TAOK3: variants seen among roughly 807,000 people sequenced by gnomAD.
The protein encoded by TAOK3 is serine/threonine-protein kinase TAO3.
In TAOK3, 40 loss-of-function variants were observed where a neutral mutation model predicts 120.4. That is an observed-to-expected ratio of 0.33 (90% confidence interval 0.26 to 0.43). The LOEUF (loss-of-function observed/expected upper bound fraction) is 0.43, where lower values mean the gene tolerates loss of function less well. Ranked by LOEUF, TAOK3 falls within the 20% of genes least tolerant of loss-of-function variation. The probability of loss-of-function intolerance (pLI) is 1.00; values close to 1 mark genes in which losing one functional copy is unlikely to be tolerated. For missense variants in TAOK3, 821 were observed against 1,112.1 expected (o/e 0.74, Z 3.72); for synonymous variants, 355 against 387.5 (o/e 0.92, Z 0.99).
Position 118,189,908 on chromosome 12 carries a change from C to A in TAOK3, c.1228G>T (p.Gly410Cys). The change falls in exon 14 of 21, where the codon GGC becomes TGC. Residue 410 changes from glycine to cysteine, a missense_variant. Gly to Cys is a radical substitution (Grantham distance 159). Around this residue, in one of 2 missense-constraint regions of TAOK3, gnomAD observed 467 missense variants for 540.0 expected, o/e 0.86. Transcript: ENST00000392533. Reference sequence around the variant, plus strand: ...GGCCGCGGCTCAGGCCTGGGATCGCCGTGGCCCGCCTCATCCCTTATGAAT... The same window carrying A: ...GGCCGCGGCTCAGGCCTGGGATCGCAGTGGCCCGCCTCATCCCTTATGAAT... Reference protein sequence around the residue: ...HVFIRDEAGHGDPRPEPRPTQ... With the variant: ...HVFIRDEAGHCDPRPEPRPTQ... The A allele has an allele frequency of 6.2e-7, 1 of 1,614,148 alleles. No individual in the cohort carries two copies. The highest frequency in any genetic ancestry group is 8.5e-7 in the Non-Finnish European group (1 of 1,180,024).
chr12:118,224,232 G>A (rs1053335753), intron 9 of TAOK3, among the ~76,000 whole-genome samples: 3 of 152,130 alleles, frequency 2.0e-5, no homozygotes, highest in South Asian at 4.1e-4. Flanking sequence ...TTTTTACTAG[G>A]CCATGGTATC....
At position 118,207,869 on chromosome 12, in the gene TAOK3, C is replaced by T. The variant is rs924897773; in HGVS notation, c.819+5045G>A. ...CGCGAGACTCTGTCTCACACACACACACACACACACACACACACACATGCA... is the reference window on the plus strand; with the variant it reads ...CGCGAGACTCTGTCTCACACACACATACACACACACACACACACACATGCA... On this transcript the variant is annotated intron_variant, in intron 11 of 20. Transcript: ENST00000392533. 2.6e-5 allele frequency among the ~76,000 whole-genome samples: 4 copies of T among 151,610 alleles called. No homozygotes were observed. In the South Asian group the frequency reaches 8.3e-4, roughly 31 times the overall value.
intron 19 of TAOK3, among the ~76,000 whole-genome samples, chr12:118,158,913 G>A (rs1378326756): frequency 1.3e-5 from 2 of 152,092 alleles, no homozygotes; most frequent in African/African-American, 2.4e-5. Flanking sequence ...CCTCTTTCAC[G>A]TCTCTAAGTC....
intron 17 of TAOK3, among the ~76,000 whole-genome samples, chr12:118,169,459 G>GATGCCTGCCACT: frequency 2.0e-5 from 3 of 149,762 alleles, no homozygotes; most frequent in Middle Eastern, 3.6e-3. Context: ...TGGGATTACA[G>GATGCCTGCCACT]GCGCCCACCA....
intron 9 of TAOK3, among the ~76,000 whole-genome samples, chr12:118,217,811 G>GTATACATA (rs1159834561): frequency 1.3e-5 from 1 of 75,402 alleles, no homozygotes; most frequent in Non-Finnish European, 2.6e-5. Context: ...GTGTGTGTGT[G>GTATACATA]TATACATATA....
At position 118,371,921 on chromosome 12, in the gene TAOK3, G is replaced by A. The variant is rs982429514; in HGVS notation, c.-194+727C>T. Among the ~76,000 whole-genome samples, 1 of 150,302 alleles carries A rather than the reference G, an allele frequency of 6.7e-6. No homozygotes were observed. The highest frequency in any genetic ancestry group is 1.5e-5 in the Non-Finnish European group (1 of 67,402). ...TCACCCCGCTGTCCTGGCCCCTCTC[G>A]GGGTCACCCTGCTCCCACCCGCTGT... On this transcript the variant is annotated intron_variant, in intron 1 of 20. Coordinates refer to ENST00000392533, the MANE Select transcript of TAOK3 (RefSeq NM_016281.4). The surrounding 1 kb of genome is among the most constrained non-coding windows in gnomAD (Gnocchi z 5.5).
chr12:118,300,759 AT>A (rs1350727942), intron 1 of TAOK3, among the ~76,000 whole-genome samples: 2 of 149,342 alleles, frequency 1.3e-5, no homozygotes, highest in African/African-American at 4.9e-5. Flanking sequence ...TTCCTTTTTG[AT>A]TTTTTTTTAA....
chr12:118,252,773 G>A (rs950425466), intron 3 of TAOK3, among the ~76,000 whole-genome samples: 4 of 148,854 alleles, frequency 2.7e-5, no homozygotes, highest in Non-Finnish European at 4.4e-5. Flanking sequence ...AGGCTGGAGT[G>A]CAGTGGCACA....
At chr12:118,355,215 A>T (rs550503714) in intron 1 of TAOK3, among the ~76,000 whole-genome samples, 1 of 152,324 alleles carries the variant, frequency 6.6e-6, no homozygotes, top group South Asian at 2.1e-4. Context: ...ATACATGTAA[A>T]TATCTATGTT....
chr12:118,212,771 C>G (rs2038696723), intron 11 of TAOK3, 143 bp downstream of exon 11: 1 of 553,030 alleles, frequency 1.8e-6, no homozygotes. Flanking sequence ...ATTTCTATGC[C>G]TAGCTACTTA....
Position 118,265,214 on chromosome 12 carries a change from C to T in TAOK3, c.-89+1441G>A, listed in dbSNP as rs1490255477. Among the ~76,000 whole-genome samples, 3 of 151,508 alleles carry T rather than the reference C, an allele frequency of 2.0e-5. No homozygotes were observed. The East Asian group carries it at 5.8e-4, about 29-fold the overall frequency. On this transcript the variant is annotated intron_variant, in intron 2 of 20. Coordinates refer to ENST00000392533, the MANE Select transcript of TAOK3 (RefSeq NM_016281.4). ...GACCAGCCTGGCCAACATGGTGAAA[C>T]CCCGTCTCTACTAAAAATACAAAAA...
chr12:118,230,737 G>A (rs950106096), intron 9 of TAOK3, among the ~76,000 whole-genome samples: 8 of 152,060 alleles, frequency 5.3e-5, no homozygotes, highest in African/African-American at 9.7e-5. Flanking sequence ...CCAAAGTGCC[G>A]AGATTATAGG....
intron 1 of TAOK3, among the ~76,000 whole-genome samples, chr12:118,305,691 G>A (rs902044579): frequency 1.3e-5 from 2 of 151,974 alleles, no homozygotes; most frequent in Non-Finnish European, 2.9e-5. Flanking sequence ...GATCACTTGA[G>A]GTCAGGAATT....
chr12:118,267,884 CA>C (rs60331520), intron 1 of TAOK3, among the ~76,000 whole-genome samples: 888 of 78,812 alleles, frequency 0.011, 5 homozygotes, highest in African/African-American at 0.036. Context: ...GACTCCATCT[CA>C]AAAAAAAAAA....
chr12:118,150,951 G>GTTTT lies in TAOK3; in HGVS notation c.*42_*45dup. The GTTTT allele has an allele frequency of 7.3e-7, 1 of 1,364,766 alleles. No homozygotes were observed. Among genetic ancestry groups the GTTTT allele is most frequent in the Non-Finnish European group, 9.9e-7 (1 of 1,005,724 alleles). The allele number at this position is 1,364,766 out of a possible 1,614,324, so 84.5% of individuals were successfully genotyped here. ...TTTTGCAGGGTCTGAATTTTTTTCT[G>GTTTT]TTTTCTTTTTTTTTTTTTTTTTTGT... On this transcript the variant is annotated 3_prime_UTR_variant, in exon 21 of 21. Coordinates refer to ENST00000392533, the MANE Select transcript of TAOK3 (RefSeq NM_016281.4).
intron 1 of TAOK3, among the ~76,000 whole-genome samples, chr12:118,297,891 G>C (rs1249665716): frequency 6.6e-6 from 1 of 152,124 alleles, no homozygotes; most frequent in Non-Finnish European, 1.5e-5. Context: ...TATGTTATGG[G>C]GGAAAAATAG....
chr12:118,255,716 C>A, intron 2 of TAOK3, 61 bp from the exon 3 acceptor site: 1 of 715,526 alleles, frequency 1.4e-6, no homozygotes, highest in Non-Finnish European at 2.2e-6. Flanking sequence ...GGTGGCAATA[C>A]AAATACATAC....
At chr12:118,182,277 A>G (rs561001200) in intron 14 of TAOK3, among the ~76,000 whole-genome samples, 1 of 152,216 alleles carries the variant, frequency 6.6e-6, no homozygotes, top group South Asian at 2.1e-4. Flanking sequence ...TGTTCACATT[A>G]ACACAGCTAA....
At chr12:118,267,182 A>G (rs2041485834) in intron 1 of TAOK3, among the ~76,000 whole-genome samples, 1 of 152,146 alleles carries the variant, frequency 6.6e-6, no homozygotes, top group Non-Finnish European at 1.5e-5. Flanking sequence ...GCTCTCCTAT[A>G]ACCAATCTTC....
Sources: allele counts gnomAD v4.1 joint callset (sites outside exome capture counted in the v4.1 genomes callset), GRCh38; gene constraint gnomAD v4.1.1; regional missense constraint gnomAD v4.1.1; non-coding constraint Gnocchi (gnomAD v3.1); transcripts MANE v1.5; gene names NCBI Gene and HGNC (gene_info 2026-07-23, HGNC 2026-07-21).